FKBP1B: variants seen among roughly 807,000 people sequenced by gnomAD.
FKBP1B encodes FKBP prolyl isomerase 1B.
In FKBP1B, 4 loss-of-function variants were observed where a neutral mutation model predicts 13.5. The observed-to-expected ratio is 0.30, with a 90% CI of 0.15 to 0.68. FKBP1B has a LOEUF of 0.68. FKBP1B is among the 30% of genes least tolerant of loss of function. The pLI is 0.76. For synonymous variants in FKBP1B, 54 were observed against 53.6 expected (o/e 1.01, Z -0.03); for missense variants, 93 against 136.2 (o/e 0.68, Z 1.58).
Position 24,050,774 on chromosome 2 carries a change from A to G in FKBP1B, c.37+888A>G, listed in dbSNP as rs1468755547. 6.6e-6 allele frequency among the ~76,000 whole-genome samples: 1 copy of G among 152,208 alleles called. No homozygotes were observed. Among genetic ancestry groups the G allele is most frequent in the Non-Finnish European group, 1.5e-5 (1 of 68,040 alleles). On this transcript the variant is annotated intron_variant, in intron 1 of 3. Transcript: ENST00000380986. The surrounding 1 kb of genome is among the most constrained non-coding windows in gnomAD (Gnocchi z 5.8). ...AAACTTCATATCAGATATTATTAAT[A>G]TGAACAGCTCCCCTCCCCAGGAAAT...
At chr2:24,054,447 C>G (rs1664030102) in intron 2 of FKBP1B, 1 of 187,744 alleles carries the variant, frequency 5.3e-6, no homozygotes, top group African/African-American at 2.4e-5. Flanking sequence ...CGGGACTGAT[C>G]CCAGTTGGAT....
At chr2:24,047,103 C>T (rs543005827), upstream of FKBP1B, among the ~76,000 whole-genome samples, 1 of 152,056 alleles carries the variant, frequency 6.6e-6, no homozygotes, top group African/African-American at 2.4e-5. Context: ...ATTCACGAGT[C>T]ACGGTCATAA....
chr2:24,036,742 G>A, the FKBP1B span, among the ~76,000 whole-genome samples: 2 of 152,282 alleles, frequency 1.3e-5, no homozygotes, highest in South Asian at 4.1e-4. Flanking sequence ...AGTAAAGAGT[G>A]CACCATATCA....
upstream of FKBP1B, chr2:24,047,386 A>C (rs1041213530): frequency 6.6e-6 from 1 of 152,124 alleles, no homozygotes; most frequent in African/African-American, 2.4e-5. Context: ...GCACATAAGA[A>C]GTTCTGGGCA....
At position 24,056,135 on chromosome 2, in the gene FKBP1B, G is replaced by A. The variant is rs112036763; in HGVS notation, c.85+2186G>A. Among the ~76,000 whole-genome samples the A allele has an allele frequency of 2.0e-3, 301 of 151,612 alleles. 2 individuals carry two copies. The highest frequency in any genetic ancestry group is 6.8e-3 in the African/African-American group (281 of 41,348). On this transcript the variant is annotated intron_variant, in intron 2 of 3. Coordinates refer to ENST00000380986, the MANE Select transcript of FKBP1B (RefSeq NM_004116.5). ...CTCCCGAGTAGCTGGGATTACAGGC[G>A]CCCGCCACCATGCCTGGCTAATTTT...
At chr2:24,037,604 A>G in the FKBP1B span, 11 of 1,425,678 alleles carry the variant, frequency 7.7e-6, no homozygotes, top group Non-Finnish European at 1.0e-5. Context: ...TTCCTCATCA[A>G]TACGTTTCTT....
At chr2:24,047,827 A>G (rs922856041), upstream of FKBP1B, among the ~76,000 whole-genome samples, 1 of 152,240 alleles carries the variant, frequency 6.6e-6, no homozygotes, top group Non-Finnish European at 1.5e-5. Context: ...TGTCCCAGCT[A>G]CAAATCCCTG....
intron 2 of FKBP1B, chr2:24,054,345 G>A (rs1318128746): frequency 6.2e-6 from 2 of 323,334 alleles, no homozygotes; most frequent in African/African-American, 2.2e-5. Context: ...AAGAGGAGGG[G>A]AGAGGACAGA....
chr2:24,034,355 G>A, the FKBP1B span, among the ~76,000 whole-genome samples: 2 of 152,178 alleles, frequency 1.3e-5, no homozygotes, highest in East Asian at 3.9e-4. Context: ...AGGAGGCGGA[G>A]GTTGCAGTGA....
chr2:24,042,332 T>C, the FKBP1B span, among the ~76,000 whole-genome samples: 3 of 151,378 alleles, frequency 2.0e-5, no homozygotes, highest in Admixed American at 6.6e-5. Flanking sequence ...GGTCAGGAGA[T>C]CGAGACCATC....
At chr2:24,039,416 C>A in the FKBP1B span, 1 of 1,614,268 alleles carries the variant, frequency 6.2e-7, no homozygotes, top group Non-Finnish European at 8.5e-7. Flanking sequence ...TCGGTCCAGG[C>A]AAGGCCATGG....
At chr2:24,062,858 C>T (rs1191086134) in intron 3 of FKBP1B, among the ~76,000 whole-genome samples, 1 of 152,214 alleles carries the variant, frequency 6.6e-6, no homozygotes. Context: ...GGGTTACTGC[C>T]CCACAGTCAC....
chr2:24,055,242 C>G (rs750196266), intron 2 of FKBP1B, among the ~76,000 whole-genome samples: 6 of 144,246 alleles, frequency 4.2e-5, no homozygotes, highest in East Asian at 4.0e-4. Flanking sequence ...GAGACAGGGT[C>G]TCACTCTGTG....
chr2:24,062,669 A>G (rs575403663), intron 3 of FKBP1B, among the ~76,000 whole-genome samples: 1 of 152,260 alleles, frequency 6.6e-6, no homozygotes, highest in African/African-American at 2.4e-5. Flanking sequence ...ACCACTTTAA[A>G]TAACTGCCCC....
chr2:24,043,352 A>T, the FKBP1B span, among the ~76,000 whole-genome samples: 2 of 152,156 alleles, frequency 1.3e-5, no homozygotes, highest in Non-Finnish European at 2.9e-5. Flanking sequence ...AAAACTAAAC[A>T]AAATGACTGT....
At chr2:24,040,429 A>C in the FKBP1B span, among the ~76,000 whole-genome samples, 12 of 152,350 alleles carry the variant, frequency 7.9e-5, no homozygotes, top group South Asian at 2.5e-3. Flanking sequence ...TTTCACTGCC[A>C]AATCAATGAA....
chr2:24,050,137 CT>C lies in FKBP1B; in HGVS notation c.37+252del, dbSNP rs1444646037. 6.6e-6 allele frequency among the ~76,000 whole-genome samples: 1 copy of C among 152,090 alleles called. No individual in the cohort carries two copies. Among genetic ancestry groups the C allele is most frequent in the Admixed American group, 6.5e-5 (1 of 15,280 alleles). On this transcript the variant is annotated intron_variant, in intron 1 of 3. Transcript: ENST00000380986. The surrounding 1 kb of genome is among the most constrained non-coding windows in gnomAD (Gnocchi z 5.8). ...GGGTCTGCGGCCCGGAGGCGGGGGTCTGCGGCCCGCCACCGCCCCGGGCTTC... is the reference window on the plus strand; with the variant it reads ...GGGTCTGCGGCCCGGAGGCGGGGGTCGCGGCCCGCCACCGCCCCGGGCTTC...
Position 24,049,919 on chromosome 2 carries a change from A to AG in FKBP1B, c.37+37dup, listed in dbSNP as rs1453039968. 4.4e-6 allele frequency: 6 copies of AG among 1,370,784 alleles called. No homozygotes were observed. The African/African-American group carries it at 9.2e-5, about 21-fold the overall frequency. The allele number at this position is 1,370,784 out of a possible 1,614,324, so 84.9% of individuals were successfully genotyped here. ...GCTCCCTCCGGAGCCAGGGGAGGGG[A>AG]GGGGTCCCGGGGCGGAGCCCGGAGG... is the stretch of plus-strand genomic sequence containing the variant. On this transcript the variant is annotated intron_variant, in intron 1 of 3. Coordinates refer to ENST00000380986, the MANE Select transcript of FKBP1B (RefSeq NM_004116.5).
the FKBP1B span, among the ~76,000 whole-genome samples, chr2:24,040,635 TA>T: frequency 6.6e-6 from 1 of 152,268 alleles, no homozygotes; most frequent in African/African-American, 2.4e-5. Context: ...AATAATCTTT[TA>T]AAATAATGTA....
Sources: gnomAD v4.1 joint callset for allele counts (sites outside exome capture counted in the v4.1 genomes callset) on GRCh38, gnomAD v4.1.1 for gene constraint, Gnocchi (gnomAD v3.1) non-coding constraint, MANE v1.5 for transcripts, NCBI Gene and HGNC (gene_info 2026-07-23, HGNC 2026-07-21) for gene names.